Variants in CEP128 observed in about 807,000 individuals in gnomAD.
The protein encoded by CEP128 is centrosomal protein 128kDa.
Under a neutral mutation model 156.7 loss-of-function variants are expected in CEP128, and 132 were observed. The ratio of observed to expected loss-of-function variants is 0.84; its 90% CI spans 0.73 to 0.97. The LOEUF (loss-of-function observed/expected upper bound fraction) is 0.97, where lower values mean the gene tolerates loss of function less well. Among genes scored for constraint, CEP128 ranks in the 50% least tolerant of loss-of-function variants. CEP128 has a pLI of 0.00. For missense variants in CEP128, 1,252 were observed against 1,281.9 expected, an observed-to-expected ratio of 0.98 and a Z score of 0.36; for synonymous variants, 469 against 448.9, an observed-to-expected ratio of 1.04 and a Z score of -0.57.
intron 23 of CEP128, chr14:80,514,692 A>G (rs1189342102): frequency 2.9e-5 from 12 of 414,910 alleles, no homozygotes; most frequent in Non-Finnish European, 5.4e-5. Flanking sequence ...AAGGTCACAT[A>G]TTTTTGTCAC....
chr14:80,560,184 G>T (rs942851337), intron 20 of CEP128, among the ~76,000 whole-genome samples: 1 of 152,172 alleles, frequency 6.6e-6, no homozygotes, highest in African/African-American at 2.4e-5. Context: ...CCAGCACTTT[G>T]GGAGGCTCAG....
At chr14:80,679,109 G>T (rs1179626215) in intron 19 of CEP128, among the ~76,000 whole-genome samples, 1 of 151,994 alleles carries the variant, frequency 6.6e-6, no homozygotes, top group Non-Finnish European at 1.5e-5. Context: ...ATAAGCTGAG[G>T]ATATATGTCA....
intron 13 of CEP128, among the ~76,000 whole-genome samples, chr14:80,815,843 T>C (rs1446155183): frequency 6.6e-6 from 1 of 152,202 alleles, no homozygotes; most frequent in Admixed American, 6.5e-5. Context: ...AGTCAAATAC[T>C]GCGTGTTCTC....
intron 19 of CEP128, among the ~76,000 whole-genome samples, chr14:80,610,860 G>A (rs375777686): frequency 2.0e-5 from 3 of 152,008 alleles, no homozygotes; most frequent in South Asian, 2.1e-4. Context: ...AAAAAAGAAC[G>A]AGGAAGTTCA....
chr14:80,585,934 T>C (rs10148845), intron 19 of CEP128, among the ~76,000 whole-genome samples: 95,122 of 152,014 alleles, frequency 0.63, 31,242 homozygotes, highest in African/African-American at 0.84. Flanking sequence ...ACAACCCTTA[T>C]GAGCCTATAA....
chr14:80,938,849 C>A lies in CEP128; in HGVS notation c.-16+536G>T, dbSNP rs148244622. ...ACATTGAAAGAGATGAATAACTGCA[C>A]ACTGTGCCATATATGGTCCACTTAA... On this transcript the variant is annotated intron_variant, in intron 2 of 24. Transcript: ENST00000555265. Among the ~76,000 whole-genome samples, 7 of 152,206 alleles carry A rather than the reference C, an allele frequency of 4.6e-5. No homozygotes were observed. The East Asian group carries it at 1.4e-3, about 29-fold the overall frequency.
chr14:80,702,430 CTTA>C (rs1189144818), intron 19 of CEP128, among the ~76,000 whole-genome samples: 1 of 152,150 alleles, frequency 6.6e-6, no homozygotes, highest in Admixed American at 6.6e-5. Context: ...TCACCATATT[CTTA>C]TTGTCACCCT....
intron 8 of CEP128, among the ~76,000 whole-genome samples, chr14:80,870,637 A>G (rs756310831): frequency 6.6e-6 from 1 of 152,122 alleles, no homozygotes; most frequent in Non-Finnish European, 1.5e-5. Context: ...AACAGCTAAC[A>G]TAGTACTCAA....
At chr14:80,682,599 G>C (rs1055612373) in intron 19 of CEP128, among the ~76,000 whole-genome samples, 3 of 152,136 alleles carry the variant, frequency 2.0e-5, no homozygotes, top group Admixed American at 6.6e-5. Context: ...GAGAACACTT[G>C]AAAGATACTA....
intron 19 of CEP128, among the ~76,000 whole-genome samples, chr14:80,643,135 G>A (rs1025413708): frequency 3.5e-4 from 54 of 152,300 alleles, no homozygotes; most frequent in African/African-American, 1.2e-3. Context: ...AAAGATCGAA[G>A]AGCATGAGTT....
chr14:80,477,539 G>C (rs962456158), exon 15 of CEP128: 7 of 152,150 alleles, frequency 4.6e-5, no homozygotes, highest in Non-Finnish European at 1.0e-4. Flanking sequence ...CCACGATGCA[G>C]TCATGTCAGT....
At chr14:80,509,135 C>T (rs1888126725) in intron 23 of CEP128, among the ~76,000 whole-genome samples, 1 of 152,122 alleles carries the variant, frequency 6.6e-6, no homozygotes, top group African/African-American at 2.4e-5. Context: ...ATCCAATGAC[C>T]TCCCATTTGG....
chr14:80,954,143 G>A (rs12590277), intron 2 of CEP128, among the ~76,000 whole-genome samples: 24,751 of 151,850 alleles, frequency 0.16, 2,301 homozygotes, highest in East Asian at 0.43. Context: ...GGTGGCGGGC[G>A]CCTGTAGTCC....
intron 19 of CEP128, among the ~76,000 whole-genome samples, chr14:80,616,414 G>A (rs1335087887): frequency 6.6e-6 from 1 of 152,192 alleles, no homozygotes; most frequent in African/African-American, 2.4e-5. Flanking sequence ...GAGGAGACAA[G>A]CTGGGAGAGA....
chr14:80,678,587 GCAGA>G (rs1896186275), intron 19 of CEP128, among the ~76,000 whole-genome samples: 1 of 152,188 alleles, frequency 6.6e-6, no homozygotes, highest in Non-Finnish European at 1.5e-5. Context: ...GGAGAAGAAT[GCAGA>G]CAAACAGCCC....
At chr14:80,692,952 G>A (rs1336551983) in intron 19 of CEP128, among the ~76,000 whole-genome samples, 6 of 152,118 alleles carry the variant, frequency 3.9e-5, no homozygotes, top group Non-Finnish European at 2.9e-5. Flanking sequence ...ATACTTTAAT[G>A]TGCATTTAAT....
chr14:80,885,411 C>T (rs561387159), intron 8 of CEP128, among the ~76,000 whole-genome samples: 3 of 152,140 alleles, frequency 2.0e-5, no homozygotes, highest in African/African-American at 7.2e-5. Context: ...CCCTCTGGAA[C>T]GAAGTTTCCA....
At chr14:80,796,701 C>A (rs1048687272) in intron 13 of CEP128, among the ~76,000 whole-genome samples, 1 of 152,020 alleles carries the variant, frequency 6.6e-6, no homozygotes, top group Non-Finnish European at 1.5e-5. Flanking sequence ...TACACAATAC[C>A]CTCGGTAGAT....
chr14:80,874,464 T>TA (rs1186246839), intron 8 of CEP128, among the ~76,000 whole-genome samples: 1 of 148,592 alleles, frequency 6.7e-6, no homozygotes, highest in Non-Finnish European at 1.5e-5. Context: ...ACTCTGTCTC[T>TA]GTCTCCAAAA....
Sources: allele counts gnomAD v4.1 joint callset (sites outside exome capture counted in the v4.1 genomes callset), GRCh38; gene constraint gnomAD v4.1.1; transcripts MANE v1.5; gene names NCBI Gene and HGNC (gene_info 2026-07-23, HGNC 2026-07-21).